GREB1L: variants seen among roughly 807,000 people sequenced by gnomAD.
GREB1L encodes the protein GREB1 like retinoic acid receptor coactivator.
In GREB1L, 17 loss-of-function variants were observed where a neutral mutation model predicts 200.8. That is an observed-to-expected ratio of 0.08 (90% CI 0.06 to 0.13). The LOEUF (loss-of-function observed/expected upper bound fraction) is 0.13, where lower values mean the gene tolerates loss of function less well. GREB1L is among the 10% of genes least tolerant of loss of function. GREB1L has a pLI of 1.00. For synonymous variants in GREB1L, 789 were observed against 893.0 expected (o/e 0.88, Z 2.08); for missense variants, 1,657 against 2,367.7 (o/e 0.70, Z 6.23).
At chr18:21,473,295 C>T (rs767756703) in intron 16 of GREB1L, 84 bp downstream of exon 16, 24 of 1,082,230 alleles carry the variant, frequency 2.2e-5, no homozygotes, top group African/African-American at 3.3e-5. Flanking sequence ...GATGGCCAGG[C>T]GCGGTGGCTC....
Position 21,492,577 on chromosome 18 carries a change from A to G in GREB1L, c.3030+2226A>G, listed in dbSNP as rs74347888. On this transcript the variant is annotated intron_variant, in intron 19 of 32. Coordinates refer to ENST00000424526, the MANE Select transcript of GREB1L (RefSeq NM_001142966.3). Reference sequence around the variant, plus strand: ...TAAATCAGTCTGTCCTAAATAATTTACCCCTCTGGACCACTGTTGGAAAAC... The same window carrying G: ...TAAATCAGTCTGTCCTAAATAATTTGCCCCTCTGGACCACTGTTGGAAAAC... 2.9e-3 allele frequency among the ~76,000 whole-genome samples: 448 copies of G among 152,206 alleles called. 2 individuals carry two copies. The highest frequency in any genetic ancestry group is 0.01 in the African/African-American group (427 of 41,544).
At chr18:21,500,368 T>G in intron 22 of GREB1L, 62 bp downstream of exon 22, 1 of 869,054 alleles carries the variant, frequency 1.2e-6, no homozygotes, top group East Asian at 2.6e-5. Flanking sequence ...CCTCAAGAAG[T>G]AGAAGCCAGA....
chr18:21,434,573 A>ATATATGTGTG (rs2033415523), intron 7 of GREB1L, among the ~76,000 whole-genome samples: 4 of 127,248 alleles, frequency 3.1e-5, no homozygotes, highest in Non-Finnish European at 6.2e-5. Context: ...ATATGTGTGT[A>ATATATGTGTG]TATATATATA....
intron 15 of GREB1L, among the ~76,000 whole-genome samples, chr18:21,463,134 CTTTTTTTTTTTTTTTTTTT>C (rs11355874): frequency 1.1e-4 from 6 of 55,640 alleles, no homozygotes; most frequent in African/African-American, 4.8e-4. Flanking sequence ...CTTAATGGTT[CTTTTTTTTTTTTTTTTTTT>C]TTTTTTTTTT....
intron 1 of GREB1L, among the ~76,000 whole-genome samples, chr18:21,255,378 C>T (rs969823910): frequency 2.6e-5 from 4 of 152,170 alleles, no homozygotes; most frequent in African/African-American, 9.7e-5. Flanking sequence ...TGTGACTAAG[C>T]GGCTACTGTA....
intron 4 of GREB1L, among the ~76,000 whole-genome samples, chr18:21,385,209 T>C (rs1213441003): frequency 2.6e-5 from 4 of 152,086 alleles, no homozygotes; most frequent in African/African-American, 7.2e-5. Flanking sequence ...ATGATTTCAG[T>C]GCATGAAAAT....
At chr18:21,274,247 T>C (rs745721843) in intron 1 of GREB1L, among the ~76,000 whole-genome samples, 4 of 152,086 alleles carry the variant, frequency 2.6e-5, no homozygotes, top group Non-Finnish European at 5.9e-5. Flanking sequence ...ATTTCATTCA[T>C]GAGGGATATA....
intron 7 of GREB1L, among the ~76,000 whole-genome samples, chr18:21,406,675 C>A (rs545022516): frequency 1.3e-5 from 2 of 152,114 alleles, no homozygotes; most frequent in African/African-American, 4.8e-5. Flanking sequence ...TCTCCCTAAT[C>A]TTAATCTGCA....
intron 15 of GREB1L, among the ~76,000 whole-genome samples, chr18:21,466,916 T>A (rs776933132): frequency 6.6e-6 from 1 of 152,168 alleles, no homozygotes; most frequent in Non-Finnish European, 1.5e-5. Context: ...AACATATAGA[T>A]AAACAAGATG....
intron 4 of GREB1L, among the ~76,000 whole-genome samples, chr18:21,393,464 T>TTTG (rs934720365): frequency 5.9e-5 from 9 of 151,918 alleles, no homozygotes; most frequent in South Asian, 2.1e-4. Flanking sequence ...GCCTAGCTAA[T>TTTG]TTGTTGTTGT....
chr18:21,495,678 A>G lies in GREB1L; in HGVS notation c.3039A>G (p.Arg1013=). The G allele has an allele frequency of 1.3e-6, 2 of 1,497,958 alleles. No individual in the cohort carries two copies. The highest frequency in any genetic ancestry group is 2.4e-5 in the South Asian group (2 of 81,970). The allele number at this position is 1,497,958 out of a possible 1,614,324, so 92.8% of individuals were successfully genotyped here. Residue 1013 remains arginine, a synonymous_variant, in exon 20 of 33, where the codon AGA becomes AGG. Transcript: ENST00000424526. The stretch of plus-strand genomic sequence containing the variant: ...CGGGTCTCTTTCTGTAGAGTTGGAG[A>G]GGAAATGAACCAGAAGAGTGGATCC... ...THFVARLKSW[R]GNEPEEWIPR... is the part of the protein sequence containing the mutation.
At chr18:21,444,667 C>T (rs2034106485) in intron 11 of GREB1L, among the ~76,000 whole-genome samples, 1 of 152,084 alleles carries the variant, frequency 6.6e-6, no homozygotes, top group Non-Finnish European at 1.5e-5. Flanking sequence ...CATGATGCTG[C>T]AAAGGTCTCC....
intron 1 of GREB1L, among the ~76,000 whole-genome samples, chr18:21,328,140 C>T (rs1258283918): frequency 6.6e-6 from 1 of 152,128 alleles, no homozygotes; most frequent in Non-Finnish European, 1.5e-5. Flanking sequence ...CTGTCATGAA[C>T]TCCTGGTCAT....
intron 16 of GREB1L, among the ~76,000 whole-genome samples, chr18:21,476,760 A>G (rs1230941365): frequency 1.3e-5 from 2 of 149,256 alleles, no homozygotes; most frequent in African/African-American, 5.0e-5. Context: ...TTTTTTTTTA[A>G]TAGAGACGGG....
chr18:21,330,822 A>T (rs1216048922), intron 1 of GREB1L, among the ~76,000 whole-genome samples: 1 of 152,110 alleles, frequency 6.6e-6, no homozygotes, highest in Admixed American at 6.6e-5. Context: ...ATGCCATCCC[A>T]ACTCCCCACT....
At chr18:21,385,314 A>G (rs2040493052) in intron 4 of GREB1L, among the ~76,000 whole-genome samples, 1 of 152,098 alleles carries the variant, frequency 6.6e-6, no homozygotes, top group Non-Finnish European at 1.5e-5. Flanking sequence ...GAGAAAAACT[A>G]GAGGTTCAAA....
chr18:21,474,824 T>C (rs1471731839), intron 16 of GREB1L, among the ~76,000 whole-genome samples: 1 of 152,190 alleles, frequency 6.6e-6, no homozygotes, highest in African/African-American at 2.4e-5. Flanking sequence ...GTCTTGGGGA[T>C]TAAGATTCCG....
At chr18:21,520,284 A>C (rs1432483986) in intron 31 of GREB1L, among the ~76,000 whole-genome samples, 1 of 152,190 alleles carries the variant, frequency 6.6e-6, no homozygotes, top group Non-Finnish European at 1.5e-5. Flanking sequence ...ATTTAAGTAT[A>C]TCTAAATGGA....
intron 1 of GREB1L, among the ~76,000 whole-genome samples, chr18:21,332,893 C>T (rs559626790): frequency 1.3e-5 from 2 of 152,140 alleles, no homozygotes. Flanking sequence ...CCAGCCTGGG[C>T]AACATAGTGA....
Sources: gnomAD v4.1 joint callset for allele counts (sites outside exome capture counted in the v4.1 genomes callset) on GRCh38, gnomAD v4.1.1 for gene constraint, MANE v1.5 for transcripts, NCBI Gene and HGNC (gene_info 2026-07-23, HGNC 2026-07-21) for gene names.